Variants in CEP295 observed in about 807,000 individuals in gnomAD.
The protein encoded by CEP295 is centrosomal protein 295.
Under a neutral mutation model 291.6 loss-of-function variants are expected in CEP295, and 190 were observed. The ratio of observed to expected loss-of-function variants is 0.65; its 90% CI spans 0.58 to 0.73. The LOEUF (loss-of-function observed/expected upper bound fraction) is 0.73, where lower values mean the gene tolerates loss of function less well. Among genes scored for constraint, CEP295 ranks in the 30% least tolerant of loss-of-function variants. The probability of loss-of-function intolerance (pLI) is 0.00; values close to 1 mark genes in which losing one functional copy is unlikely to be tolerated. For synonymous variants in CEP295, 993 were observed against 1,038.8 expected (o/e 0.96, Z 0.85); for missense variants, 2,863 against 2,949.4 (o/e 0.97, Z 0.68).
intron 7 of CEP295, among the ~76,000 whole-genome samples, chr11:93,681,593 T>A (rs1950968490): frequency 6.6e-6 from 1 of 151,556 alleles, no homozygotes; most frequent in Non-Finnish European, 1.5e-5. Flanking sequence ...TTTTTATATT[T>A]TTAGTAGAGA....
chr11:93,663,359 C>T (rs1267287833), intron 1 of CEP295, among the ~76,000 whole-genome samples: 1 of 152,174 alleles, frequency 6.6e-6, no homozygotes, highest in African/African-American at 2.4e-5. Context: ...CAGCTCCCTC[C>T]CATTTTCCCT....
Position 93,667,694 on chromosome 11 carries a change from G to A in CEP295, c.196G>A (p.Glu66Lys), listed in dbSNP as rs908172576. Residue 66 changes from glutamate (E) to lysine (K), a missense_variant, in exon 3 of 30, where the codon GAG becomes AAG. Glu to Lys is a moderately conservative substitution (Grantham distance 56). Transcript: ENST00000325212. The stretch of plus-strand genomic sequence containing the variant: ...TCAACAATTTACACGTTTGGCAGAG[G>A]AGCTAAGGGCAGAATGGGAAGAATC... The part of the protein sequence containing the change: ...RNQQFTRLAE[E>K]LRAEWEESQT... The A allele has an allele frequency of 4.5e-6, 7 of 1,551,308 alleles. No homozygotes were observed. The African/African-American group carries it at 5.5e-5, about 12-fold the overall frequency.
chr11:93,729,403 A>C, intron 25 of CEP295, 31 bp from the exon 26 acceptor site: 2 of 1,451,558 alleles, frequency 1.4e-6, no homozygotes, highest in Non-Finnish European at 1.9e-6. Context: ...GCGTTTAAAA[A>C]GAGTAAAACA....
intron 6 of CEP295, among the ~76,000 whole-genome samples, chr11:93,677,831 G>A (rs1950770275): frequency 2.0e-5 from 3 of 152,056 alleles, no homozygotes; most frequent in Admixed American, 2.0e-4. Flanking sequence ...TTTAATAATA[G>A]CATTTATCAT....
intron 4 of CEP295, among the ~76,000 whole-genome samples, chr11:93,669,315 A>G (rs1267141094): frequency 6.6e-6 from 1 of 152,132 alleles, no homozygotes; most frequent in East Asian, 1.9e-4. Context: ...TGCATGTTGT[A>G]AAAATTAAAG....
chr11:93,699,505 G>C lies in CEP295; in HGVS notation c.4593G>C (p.Leu1531Phe). ...AGGAAGTCCAAGAAGAATTGCTTTT[G>C]CAAAGATTAAGTGAATTGGAGAAAA... ...SIQEVQEELL[L>F]QRLSELEKRV... Residue 1531 changes from leucine (L) to phenylalanine (F), a missense_variant, in exon 15 of 30, where the codon TTG becomes TTC. Coordinates refer to ENST00000325212, the MANE Select transcript of CEP295 (RefSeq NM_033395.2). The C allele has an allele frequency of 6.4e-7, 1 of 1,551,790 alleles. No individual in the cohort carries two copies. The highest frequency in any genetic ancestry group is 2.0e-5 in the Admixed American group (1 of 51,008).
Position 93,715,971 on chromosome 11 carries a change from C to T in CEP295, c.5750-5341C>T, listed in dbSNP as rs574275971. On this transcript the variant is annotated intron_variant, in intron 18 of 29. Transcript: ENST00000325212. ...GATTAGGGGAGGGGTAGCACAAGCA[C>T]TCCCTTCGCCACCCTAGCTGGTTTT... Among the ~76,000 whole-genome samples, 22 of 152,168 alleles carry T rather than the reference C, an allele frequency of 1.4e-4. No individual in the cohort carries two copies. The South Asian group carries it at 4.4e-3, about 30-fold the overall frequency.
In CEP295 at chr11:93,699,229, T is replaced by C. The variant is rs750431720; in HGVS notation, c.4317T>C (p.Pro1439=). The C allele has an allele frequency of 6.4e-6, 10 of 1,551,790 alleles. No individual in the cohort carries two copies. The African/African-American group carries it at 1.2e-4, about 19-fold the overall frequency. Residue 1439 remains proline, a synonymous_variant, in exon 15 of 30, where the codon CCT becomes CCC. Coordinates refer to ENST00000325212, the MANE Select transcript of CEP295 (RefSeq NM_033395.2). ...GTCACTCAGAGATACCAACATTGCC[T>C]GATGGGCTGTTGGGTTTATCACATC... ...SSGHSEIPTL[P]DGLLGLSHLV...
chr11:93,688,577 TG>T (rs5793652), intron 10 of CEP295, among the ~76,000 whole-genome samples: 139,832 of 152,190 alleles, frequency 0.92, 65,059 homozygotes, highest in East Asian at 0.99. Flanking sequence ...CACCTTCACT[TG>T]GTTTTCGTAC....
chr11:93,697,013 A>G lies in CEP295; in HGVS notation c.2101A>G (p.Asn701Asp). ...ATTACGCGCTTCAGATATTTTAACC[A>G]ATCAAGCTTTAGAATCACAAGAACA... ...ETLRASDILTNQALESQEHLR... is the reference protein window; with the variant it reads ...ETLRASDILTDQALESQEHLR... The change falls in exon 15 of 30, where the codon AAT (asparagine) becomes GAT (aspartate). Residue 701 changes from asparagine to aspartate, a missense_variant. By Grantham distance (23) the Asn-to-Asp change is conservative. Around this residue, in one of 3 missense-constraint regions of CEP295, gnomAD observed 2,295 missense variants for 2,335.7 expected, o/e 0.98. Transcript: ENST00000325212. 2 of 1,551,622 alleles carry G rather than the reference A, an allele frequency of 1.3e-6. No individual in the cohort carries two copies. Among genetic ancestry groups the G allele is most frequent in the Non-Finnish European group, 1.7e-6 (2 of 1,146,988 alleles).
Position 93,667,807 on chromosome 11 carries a change from TGTGA to T in CEP295, c.309+6_309+9del. On this transcript the variant is annotated splice_donor_variant and splice_donor_region_variant and intron_variant, in intron 3 of 29. Coordinates refer to ENST00000325212, the MANE Select transcript of CEP295 (RefSeq NM_033395.2). LOFTEE classifies it high-confidence loss of function. ...AGGGACATCGACAGGCCAAAGAAAA[TGTGA>T]GTGAGATCTTATTTGACTACCCTGT... The T allele has an allele frequency of 1.9e-6, 3 of 1,543,146 alleles. No individual in the cohort carries two copies. The highest frequency in any genetic ancestry group is 2.6e-6 in the Non-Finnish European group (3 of 1,142,268).
chr11:93,720,289 A>G (rs566761602), intron 18 of CEP295, among the ~76,000 whole-genome samples: 68 of 151,874 alleles, frequency 4.5e-4, no homozygotes, highest in African/African-American at 1.6e-3. Flanking sequence ...CCTGGCCAAC[A>G]TGGTGAAACT....
chr11:93,665,218 A>C (rs1401169749), intron 1 of CEP295, among the ~76,000 whole-genome samples: 3 of 152,258 alleles, frequency 2.0e-5, no homozygotes. Flanking sequence ...TCATGTACTC[A>C]TGTAAAGTGT....
intron 4 of CEP295, 114 bp downstream of exon 4, chr11:93,669,046 C>T (rs1337976552): frequency 7.1e-6 from 4 of 563,824 alleles, no homozygotes; most frequent in Admixed American, 3.9e-5. Flanking sequence ...ATATTCATTG[C>T]ATTTGTTAAA....
Position 93,697,325 on chromosome 11 carries a change from G to A in CEP295, c.2413G>A (p.Gly805Arg). 1.3e-6 allele frequency: 2 copies of A among 1,551,726 alleles called. No homozygotes were observed. Among genetic ancestry groups the A allele is most frequent in the Non-Finnish European group, 1.7e-6 (2 of 1,146,996 alleles). Reference sequence around the variant, plus strand: ...TTCTCTGCCTGTTAAAGTTGAGTCAGGAAAAATTCAAGAACCCTTTTCAGC... The same window carrying A: ...TTCTCTGCCTGTTAAAGTTGAGTCAAGAAAAATTCAAGAACCCTTTTCAGC... ...FSSLPVKVES[G>R]KIQEPFSAMS... The change falls in exon 15 of 30, where the codon GGA (glycine) becomes AGA (arginine). Residue 805 changes from glycine to arginine, a missense_variant. By Grantham distance (125) the Gly-to-Arg change is moderately radical. Transcript: ENST00000325212.
chr11:93,696,124 G>A (rs943567452), intron 13 of CEP295, among the ~76,000 whole-genome samples, 196 bp from the exon 14 acceptor site: 8 of 152,112 alleles, frequency 5.3e-5, no homozygotes, highest in African/African-American at 1.9e-4. Context: ...TGGTTTGTAG[G>A]TAATGCGTAT....
chr11:93,700,780 A>G (rs1469640246), intron 15 of CEP295, among the ~76,000 whole-genome samples: 1 of 152,214 alleles, frequency 6.6e-6, no homozygotes, highest in Admixed American at 6.5e-5. Context: ...TAAGCTTACC[A>G]TAAGATTTAA....
At chr11:93,724,781 A>AAC (rs1954019824) in intron 22 of CEP295, among the ~76,000 whole-genome samples, 1 of 152,112 alleles carries the variant, frequency 6.6e-6, no homozygotes, top group African/African-American at 2.4e-5. Flanking sequence ...AAAAGAAACA[A>AAC]ACAAACAAAC....
At chr11:93,674,603 A>T (rs10765628) in intron 5 of CEP295, among the ~76,000 whole-genome samples, 137,399 of 152,246 alleles carry the variant, frequency 0.9, 63,148 homozygotes, top group Non-Finnish European at 0.99. Flanking sequence ...TGTCACAATG[A>T]TCATATGGTA....
Sources: allele counts gnomAD v4.1 joint callset (sites outside exome capture counted in the v4.1 genomes callset), GRCh38; gene constraint gnomAD v4.1.1; regional missense constraint gnomAD v4.1.1; transcripts MANE v1.5; gene names NCBI Gene and HGNC (gene_info 2026-07-23, HGNC 2026-07-21).